The following C12orf76 variants were observed in gnomAD, a reference collection of about 807,000 sequenced individuals.
C12orf76 encodes chromosome 12 open reading frame 76.
C12orf76 carries 6 observed loss-of-function variants against 6.8 expected under a neutral mutation model. The observed-to-expected ratio is 0.88, with a 90% CI of 0.48 to 1.73. The LOEUF (loss-of-function observed/expected upper bound fraction) is 1.73. Among genes scored for constraint, C12orf76 ranks in the 40% most tolerant of loss-of-function variants. The probability of loss-of-function intolerance (pLI) is 0.01; values close to 1 mark genes in which losing one functional copy is unlikely to be tolerated. For synonymous variants in C12orf76, 56 were observed against 43.7 expected (o/e 1.28, Z -1.11); for missense variants, 99 against 98.2 (o/e 1.01, Z -0.03).
chr12:110,051,633 G>A (rs935536218), upstream of C12orf76, among the ~76,000 whole-genome samples: 6 of 151,928 alleles, frequency 3.9e-5, no homozygotes, highest in South Asian at 2.1e-4. Context: ...CACCATGTTG[G>A]GCAGGCTGGT....
upstream of C12orf76, chr12:110,051,009 G>C (rs775782495): frequency 1.3e-6 from 1 of 773,494 alleles, no homozygotes; most frequent in Non-Finnish European, 2.4e-6. Flanking sequence ...GCAAAGGGAA[G>C]GTGTAATCTG....
intron 1 of C12orf76, among the ~76,000 whole-genome samples, chr12:110,047,207 C>T (rs532273440): frequency 3.9e-5 from 6 of 152,140 alleles, no homozygotes; most frequent in Non-Finnish European, 7.4e-5. Flanking sequence ...AGTTCCAGAA[C>T]TCCTTCCAAA....
At chr12:110,067,682 G>T in exon 1 of C12orf76, 1 of 499,060 alleles carries the variant, frequency 2.0e-6, no homozygotes, top group Non-Finnish European at 2.6e-6. Context: ...GGCCGGCTCA[G>T]TCATCTTCTC....
intron 1 of C12orf76, among the ~76,000 whole-genome samples, chr12:110,045,478 C>T (rs1025684929): frequency 1.3e-5 from 2 of 150,978 alleles, no homozygotes; most frequent in East Asian, 2.0e-4. Flanking sequence ...CCCAGCTACT[C>T]GGGAGGCTGA....
rs767859013 is a variant in C12orf76 at position 110,045,948 on chromosome 12, G to T, written c.133+2415C>A. On this transcript the variant is annotated intron_variant, in intron 1 of 1. Transcript: ENST00000615315. ...CACTCCAGATTGGGCAACAGAGTGA[G>T]ACTCCATATAAAAAATAATAATAAA... The T allele has an allele frequency of 4.1e-5, 9 of 217,060 alleles. No individual in the cohort carries two copies. The South Asian group carries it at 4.9e-4, about 12-fold the overall frequency. The allele number at this position is 217,060 out of a possible 1,614,324, so 13.4% of individuals were successfully genotyped here.
intron 2 of C12orf76, chr12:110,065,739 T>G: frequency 1.9e-6 from 3 of 1,552,686 alleles, no homozygotes; most frequent in Non-Finnish European, 8.9e-7. Flanking sequence ...TCTAGAAACA[T>G]GAGTCAGATG....
chr12:110,043,687 A>G (rs1232262118), intron 1 of C12orf76, among the ~76,000 whole-genome samples: 1 of 152,006 alleles, frequency 6.6e-6, no homozygotes, highest in Non-Finnish European at 1.5e-5. Flanking sequence ...CCATGTCTCT[A>G]CTAAAAATAC....
upstream of C12orf76, among the ~76,000 whole-genome samples, chr12:110,068,277 G>GAAGAA (rs1892909070): frequency 7.3e-6 from 1 of 136,624 alleles, no homozygotes; most frequent in Non-Finnish European, 1.6e-5. Context: ...AGAAGAAGAA[G>GAAGAA]AAGAAGAAGA....
chr12:110,070,400 A>G (rs1042285523), upstream of C12orf76, among the ~76,000 whole-genome samples: 4 of 152,108 alleles, frequency 2.6e-5, no homozygotes, highest in Non-Finnish European at 5.9e-5. Flanking sequence ...CCCTGTCTCT[A>G]CAAAAACAAT....
chr12:110,046,552 A>G (rs1892453332), intron 1 of C12orf76, among the ~76,000 whole-genome samples: 1 of 152,250 alleles, frequency 6.6e-6, no homozygotes, highest in Admixed American at 6.5e-5. Flanking sequence ...CCTACTGTGC[A>G]TGACTAATAA....
chr12:110,067,344 A>T, intron 1 of C12orf76: 1 of 928,210 alleles, frequency 1.1e-6, no homozygotes. Context: ...GAAGGAACCA[A>T]GGTAAGAATA....
Position 110,042,041 on chromosome 12 carries a change from G to T in C12orf76, c.*333C>A, listed in dbSNP as rs1306961378. The T allele has an allele frequency of 8.8e-6, 3 of 342,624 alleles. No individual in the cohort carries two copies. Among genetic ancestry groups the T allele is most frequent in the Non-Finnish European group, 1.6e-5 (3 of 182,246 alleles). The allele number at this position is 342,624 out of a possible 1,614,324, so 21.2% of individuals were successfully genotyped here. On this transcript the variant is annotated 3_prime_UTR_variant, in exon 2 of 2. Transcript: ENST00000615315. ...AAGCATTAATGATGAGTTCTTTACA[G>T]TGTGGTTCTTACAGGCACTCACAAG...
chr12:110,073,018 A>T (rs896730877), intron 1 of C12orf76, among the ~76,000 whole-genome samples: 1 of 152,168 alleles, frequency 6.6e-6, no homozygotes, highest in Admixed American at 6.6e-5. Flanking sequence ...CCTGAAGTTA[A>T]AATACATTTA....
upstream of C12orf76, among the ~76,000 whole-genome samples, chr12:110,054,137 T>TA (rs762199171): frequency 5.3e-5 from 8 of 152,122 alleles, no homozygotes; most frequent in South Asian, 6.2e-4. The surrounding 1 kb of genome is among the most constrained non-coding windows in gnomAD (Gnocchi z 4.4). Flanking sequence ...GAAAATGAAT[T>TA]AACTAGAGCT....
chr12:110,069,119 T>G (rs1419086479), upstream of C12orf76, among the ~76,000 whole-genome samples: 1 of 152,220 alleles, frequency 6.6e-6, no homozygotes, highest in East Asian at 1.9e-4. Context: ...ATGGAGGTTA[T>G]CTTCTAAAGA....
chr12:110,051,080 C>T (rs1433790221), upstream of C12orf76: 1 of 780,612 alleles, frequency 1.3e-6, no homozygotes, highest in Non-Finnish European at 2.4e-6. Flanking sequence ...TCCTCTTTCA[C>T]TTCTGCTGTC....
intron 1 of C12orf76, chr12:110,066,105 G>A: frequency 1.4e-6 from 2 of 1,413,540 alleles, no homozygotes; most frequent in Non-Finnish European, 1.8e-6. Flanking sequence ...GTCAGGGGCA[G>A]GCCGGGCGCG....
At chr12:110,058,879 C>G in intron 3 of C12orf76, 1 of 1,285,722 alleles carries the variant, frequency 7.8e-7, no homozygotes. Flanking sequence ...GTGCCAACCA[C>G]TCTTCTAAGT....
At chr12:110,069,637 T>A (rs1566080741), upstream of C12orf76, among the ~76,000 whole-genome samples, 1 of 152,178 alleles carries the variant, frequency 6.6e-6, no homozygotes, top group Non-Finnish European at 1.5e-5. Flanking sequence ...TTAGGGGTCA[T>A]GTGGCTGAAA....
Sources: allele counts gnomAD v4.1 joint callset (sites outside exome capture counted in the v4.1 genomes callset), GRCh38; gene constraint gnomAD v4.1.1; non-coding constraint Gnocchi (gnomAD v3.1); transcripts MANE v1.5; gene names NCBI Gene and HGNC (gene_info 2026-07-23, HGNC 2026-07-21).